ZNF532: variants seen among roughly 807,000 people sequenced by gnomAD.
ZNF532 encodes zinc finger protein 532.
Under a neutral mutation model 89.3 loss-of-function variants are expected in ZNF532, and 22 were observed. That is an observed-to-expected ratio of 0.25 (90% CI 0.18 to 0.35). The LOEUF is 0.35. Among genes scored for constraint, ZNF532 ranks in the 10% least tolerant of loss-of-function variants. The pLI, the probability that ZNF532 is intolerant of heterozygous loss-of-function variation, is 1.00. For synonymous variants in ZNF532, 606 were observed against 649.6 expected, an observed-to-expected ratio of 0.93 and a Z score of 1.02; for missense variants, 1,132 against 1,643.4, an observed-to-expected ratio of 0.69 and a Z score of 5.38.
At chr18:58,866,314 C>T (rs928693116) in intron 2 of ZNF532, among the ~76,000 whole-genome samples, 1 of 152,118 alleles carries the variant, frequency 6.6e-6, no homozygotes, top group African/African-American at 2.4e-5. Context: ...AATGCACCTT[C>T]CAAAACCAGA....
At chr18:58,941,986 C>CCTTCCCTT (rs1180550459) in intron 5 of ZNF532, among the ~76,000 whole-genome samples, 5 of 132,764 alleles carry the variant, frequency 3.8e-5, no homozygotes, top group East Asian at 2.4e-4. Flanking sequence ...CTCCTTCCCT[C>CCTTCCCTT]CTTCCCTTCC....
chr18:58,904,154 C>A (rs1240275300), intron 2 of ZNF532, among the ~76,000 whole-genome samples: 1 of 152,104 alleles, frequency 6.6e-6, no homozygotes, highest in East Asian at 1.9e-4. Flanking sequence ...GGTTTGGGAC[C>A]AGCCTGGGCA....
intron 9 of ZNF532, among the ~76,000 whole-genome samples, chr18:58,982,350 G>A (rs1568479890): frequency 1.3e-5 from 2 of 152,000 alleles, no homozygotes; most frequent in East Asian, 3.9e-4. Context: ...GCCGGACACA[G>A]TGGCTCATGC....
At chr18:58,878,997 T>G (rs1043039493) in intron 2 of ZNF532, among the ~76,000 whole-genome samples, 1 of 152,220 alleles carries the variant, frequency 6.6e-6, no homozygotes, top group Non-Finnish European at 1.5e-5. Flanking sequence ...GGACATCACC[T>G]GTAGTCCTCT....
At chr18:58,948,537 T>C (rs1457823041) in intron 6 of ZNF532, among the ~76,000 whole-genome samples, 1 of 151,898 alleles carries the variant, frequency 6.6e-6, no homozygotes, top group Non-Finnish European at 1.5e-5. Flanking sequence ...GTGAAAATGA[T>C]GACTGTGAAG....
At position 58,985,620 on chromosome 18, in the gene ZNF532, C is replaced by A. The variant is rs963750555; in HGVS notation, c.*1154C>A. 3 of 152,490 alleles carry A rather than the reference C, an allele frequency of 2.0e-5. No homozygotes were observed. The highest frequency in any genetic ancestry group is 4.4e-5 in the Non-Finnish European group (3 of 68,014). 9.4% of individuals were successfully genotyped at this position (152,490 alleles called of 1,614,324 possible). ...CCATTTCAAGAAGTATATTTAACGT[C>A]GGTAGTTCTGCTTTATTAAAATGCA... On this transcript the variant is annotated 3_prime_UTR_variant, in exon 10 of 10. Transcript: ENST00000591808.
chr18:58,942,633 T>A (rs943092410), intron 5 of ZNF532, among the ~76,000 whole-genome samples: 1 of 151,846 alleles, frequency 6.6e-6, no homozygotes, highest in African/African-American at 2.4e-5. Flanking sequence ...TACTGCAGTG[T>A]TCCCGGAGAT....
At chr18:58,887,655 G>A (rs1447064218) in intron 2 of ZNF532, among the ~76,000 whole-genome samples, 1 of 152,080 alleles carries the variant, frequency 6.6e-6, no homozygotes, top group African/African-American at 2.4e-5. Context: ...TCTTCCACCT[G>A]GGCTTAACAC....
rs1382848647 is a variant in ZNF532 at position 58,985,523 on chromosome 18, TTATCA to T, written c.*1058_*1062del. 2 of 152,592 alleles carry T rather than the reference TTATCA, an allele frequency of 1.3e-5. No individual in the cohort carries two copies. The highest frequency in any genetic ancestry group is 4.8e-5 in the African/African-American group (2 of 41,444). The allele number at this position is 152,592 out of a possible 1,614,324, so 9.5% of individuals were successfully genotyped here. Reference sequence around the variant, plus strand: ...GGGATGCACAACTTCAACCACCGACTTATCAATGCAGCCGCCTGTGTATTGCAATT... The same window carrying T: ...GGGATGCACAACTTCAACCACCGACTATGCAGCCGCCTGTGTATTGCAATT... On this transcript the variant is annotated 3_prime_UTR_variant, in exon 10 of 10. Transcript: ENST00000591808.
At chr18:58,910,197 C>A (rs1007144707) in intron 2 of ZNF532, among the ~76,000 whole-genome samples, 5 of 152,210 alleles carry the variant, frequency 3.3e-5, no homozygotes, top group African/African-American at 9.6e-5. Context: ...AAAAAATTAT[C>A]ATTCGTACAA....
intron 2 of ZNF532, among the ~76,000 whole-genome samples, chr18:58,879,715 T>C (rs1568225021): frequency 1.3e-5 from 2 of 152,166 alleles, no homozygotes; most frequent in Admixed American, 1.3e-4. Context: ...TTCTATAGCA[T>C]GTACTCTTGT....
intron 7 of ZNF532, among the ~76,000 whole-genome samples, chr18:58,966,855 C>G (rs1001109767): frequency 1.3e-5 from 2 of 151,254 alleles, no homozygotes; most frequent in Non-Finnish European, 2.9e-5. Flanking sequence ...TAAACTCACC[C>G]GAGGTTGCTA....
chr18:58,894,189 GC>G (rs2059100537), intron 2 of ZNF532, among the ~76,000 whole-genome samples: 1 of 152,168 alleles, frequency 6.6e-6, no homozygotes, highest in Admixed American at 6.5e-5. Context: ...TTCCGGCCGG[GC>G]GTGGTGGCTC....
intron 6 of ZNF532, among the ~76,000 whole-genome samples, chr18:58,950,017 A>G (rs1568402457): frequency 6.6e-6 from 1 of 152,268 alleles, no homozygotes; most frequent in Admixed American, 6.5e-5. Flanking sequence ...GACAATAAAT[A>G]TCTATTTAAT....
At chr18:58,891,224 C>T (rs2058877007) in intron 2 of ZNF532, among the ~76,000 whole-genome samples, 2 of 152,046 alleles carry the variant, frequency 1.3e-5, no homozygotes, top group African/African-American at 2.4e-5. Flanking sequence ...CGGCCTCTCT[C>T]TTTCCTCTTA....
At chr18:58,882,836 A>G (rs2058030781) in intron 2 of ZNF532, among the ~76,000 whole-genome samples, 1 of 152,234 alleles carries the variant, frequency 6.6e-6, no homozygotes, top group South Asian at 2.1e-4. Context: ...AGCTTGGGTA[A>G]TGCTAAAGCC....
intron 6 of ZNF532, among the ~76,000 whole-genome samples, chr18:58,950,206 G>A (rs1196245589): frequency 1.3e-5 from 2 of 152,282 alleles, no homozygotes; most frequent in Non-Finnish European, 2.9e-5. Flanking sequence ...TCGGGTCATC[G>A]ACTTTGTGGT....
chr18:58,933,764 A>G (rs2062147824), intron 3 of ZNF532, among the ~76,000 whole-genome samples: 1 of 152,154 alleles, frequency 6.6e-6, no homozygotes, highest in Admixed American at 6.5e-5. Flanking sequence ...AGAGGATTTC[A>G]CCCTTAATTT....
chr18:58,913,068 T>C (rs1603018771), intron 2 of ZNF532, among the ~76,000 whole-genome samples: 1 of 152,222 alleles, frequency 6.6e-6, no homozygotes, highest in South Asian at 2.1e-4. Context: ...TTCCCTGATA[T>C]GCAGTCGAGA....
Sources: allele counts gnomAD v4.1 joint callset (sites outside exome capture counted in the v4.1 genomes callset), GRCh38; gene constraint gnomAD v4.1.1; transcripts MANE v1.5; gene names NCBI Gene and HGNC (gene_info 2026-07-23, HGNC 2026-07-21).